FOXL3: variants seen among roughly 807,000 people sequenced by gnomAD.
FOXL3 encodes the protein forkhead box protein L3.
In FOXL3, 16 loss-of-function variants were observed where a neutral mutation model predicts 10.9. That is an observed-to-expected ratio of 1.46 (90% CI 0.99 to 2.22). The LOEUF is 2.22. Ranked by LOEUF, FOXL3 falls within the 30% of genes most tolerant of loss-of-function variation. The pLI is 0.00. For synonymous variants in FOXL3, 170 were observed against 152.0 expected, an observed-to-expected ratio of 1.12 and a Z score of -0.87; for missense variants, 400 against 337.9, an observed-to-expected ratio of 1.18 and a Z score of -1.44.
rs903971711 is a variant in FOXL3, at chr7:291,216, G to T, written c.430G>T (p.Ala144Ser). 3.4e-6 allele frequency: 4 copies of T among 1,164,890 alleles called. No individual in the cohort carries two copies. Among genetic ancestry groups the T allele is most frequent in the African/African-American group, 1.6e-5 (1 of 61,418 alleles). 72.2% of individuals were successfully genotyped at this position (1,164,890 alleles called of 1,614,324 possible). Reference sequence around the variant, plus strand: ...GCGCGAGGGGCCGAGGGGTCCGCGCGCGGGGGGCGCCCAGGGGCCGTCGGG... The same window carrying T: ...GCGCGAGGGGCCGAGGGGTCCGCGCTCGGGGGGCGCCCAGGGGCCGTCGGG... Reference protein sequence around the residue: ...PKREGPRGPRAGGAQGPSGPS... With the variant: ...PKREGPRGPRSGGAQGPSGPS... Residue 144 changes from alanine to serine, a missense_variant, in exon 3 of 3, where the codon GCG becomes TCG. Transcript: ENST00000506382.
At chr7:290,385 C>T in intron 1 of FOXL3, 109 bp downstream of exon 1, 1 of 952,492 alleles carries the variant, frequency 1.0e-6, no homozygotes, top group Non-Finnish European at 1.6e-6. Context: ...GAGCTTTCTT[C>T]TCTCCGGCGG....
rs1357201723 is a variant in FOXL3, at chr7:290,840, G to A, written c.276+19G>A. 3.6e-6 allele frequency: 5 copies of A among 1,406,322 alleles called. No homozygotes were observed. The highest frequency in any genetic ancestry group is 2.9e-5 in the East Asian group (1 of 34,562). 87.1% of individuals were successfully genotyped at this position (1,406,322 alleles called of 1,614,324 possible). A position where few individuals can be genotyped will look rare whatever the true frequency, so the allele number is the denominator to read the frequency against. On this transcript the variant is annotated intron_variant, in intron 2 of 2. Coordinates refer to ENST00000506382, the MANE Select transcript of FOXL3 (RefSeq NM_001374838.1). ...CGTCAAGGTGAGCGCCGCCCCCGAC[G>A]GGCCCCGGGTGTCCCAGCGTGGCGA... is the stretch of plus-strand genomic sequence containing the variant.
Position 291,260 on chromosome 7 carries a change from C to T in FOXL3, c.474C>T (p.Ala158=), listed in dbSNP as rs1407103870. 1.7e-6 allele frequency: 2 copies of T among 1,186,764 alleles called. No individual in the cohort carries two copies. The highest frequency in any genetic ancestry group is 3.6e-5 in the East Asian group (1 of 27,620). 73.5% of individuals were successfully genotyped at this position (1,186,764 alleles called of 1,614,324 possible). A position where few individuals can be genotyped will look rare whatever the true frequency, so the allele number is the denominator to read the frequency against. Reference sequence around the variant, plus strand: ...CGTCGGGTCCGTCCGAGCCGCCCGCCGCTCAGGGGCGCCTGGCCCCGGACA... The same window carrying T: ...CGTCGGGTCCGTCCGAGCCGCCCGCTGCTCAGGGGCGCCTGGCCCCGGACA... The part of the protein sequence containing the change: ...QGPSGPSEPP[A]AQGRLAPDSA... The change falls in exon 3 of 3, where the codon GCC becomes GCT. Residue 158 remains alanine (A), a synonymous_variant. Transcript: ENST00000506382.
Position 290,716 on chromosome 7 carries a change from C to T in FOXL3, c.171C>T (p.Gly57=). ...CCGCGGGGAGGGTGACCCTGTCCGG[C>T]ATCTACGACTTCATCATGCGCAAAT... ...QSPAGRVTLS[G]IYDFIMRKFP... Residue 57 remains glycine (G), a synonymous_variant, in exon 2 of 3, where the codon GGC becomes GGT. Coordinates refer to ENST00000506382, the MANE Select transcript of FOXL3 (RefSeq NM_001374838.1). 1.4e-6 allele frequency: 2 copies of T among 1,479,904 alleles called. No individual in the cohort carries two copies. Among genetic ancestry groups the T allele is most frequent in the East Asian group, 2.6e-5 (1 of 38,272 alleles). The allele number at this position is 1,479,904 out of a possible 1,614,324, so 91.7% of individuals were successfully genotyped here.
At position 290,772 on chromosome 7, in the gene FOXL3, G is replaced by A; in HGVS notation, c.227G>A (p.Trp76Ter). ...TATTACCGCGCCAACCAGCGCGCCTGGCAGAACTCCATCCGCCACAACCTG... is the reference window on the plus strand; with the variant it reads ...TATTACCGCGCCAACCAGCGCGCCTAGCAGAACTCCATCCGCCACAACCTG... Reference protein sequence around the residue: ...FPYYRANQRAWQNSIRHNLSL... With the variant: ...FPYYRANQRA Residue 76 changes from tryptophan (W) to a stop codon, truncating the protein, a stop_gained, in exon 2 of 3, where the codon TGG (tryptophan) becomes TAG (stop). Transcript: ENST00000506382. LOFTEE classifies it low-confidence loss of function (END_TRUNC). The A allele has an allele frequency of 2.0e-6, 3 of 1,494,408 alleles. No individual in the cohort carries two copies. The highest frequency in any genetic ancestry group is 1.8e-6 in the Non-Finnish European group (2 of 1,126,066). The allele number at this position is 1,494,408 out of a possible 1,614,324, so 92.6% of individuals were successfully genotyped here.
At position 291,337 on chromosome 7, in the gene FOXL3, CG is replaced by C. The variant is rs1562415302; in HGVS notation, c.555del (p.Lys186ArgfsTer?). 1.6e-6 allele frequency: 2 copies of C among 1,281,760 alleles called. No homozygotes were observed. The highest frequency in any genetic ancestry group is 2.0e-6 in the Non-Finnish European group (2 of 1,014,240). The allele number at this position is 1,281,760 out of a possible 1,614,324, so 79.4% of individuals were successfully genotyped here. On this transcript the variant is annotated frameshift_variant, in exon 3 of 3. Transcript: ENST00000506382. LOFTEE classifies it low-confidence loss of function (END_TRUNC). ...GAGCCCCCCGCCAGCCCCGCTCCCC[CG>C]GGGAAGGAGCACCCCCGGGACCTCA... ...GREPPASPAP[P>X]GKEHPRDLKF...
In FOXL3 at chr7:291,086, G is replaced by C. The variant is rs1778636594; in HGVS notation, c.300G>C (p.Glu100Asp). 4.2e-6 allele frequency: 6 copies of C among 1,419,562 alleles called. No individual in the cohort carries two copies. In the Middle Eastern group the frequency reaches 5.4e-4, roughly 128 times the overall value. 87.9% of individuals were successfully genotyped at this position (1,419,562 alleles called of 1,614,324 possible). ...AGGTGCCGCGGTCCGAGGGCCACGA[G>C]AAGGGCAAAGGCAACTACTGGACGT... ...FVKVPRSEGH[E>D]KGKGNYWTFA... The change falls in exon 3 of 3, where the codon GAG (glutamate) becomes GAC (aspartate). Residue 100 changes from glutamate (E) to aspartate (D), a missense_variant. By Grantham distance (45) the Glu-to-Asp change is conservative. Transcript: ENST00000506382.
chr7:290,758 C>G lies in FOXL3; in HGVS notation c.213C>G (p.Ala71=). 1 of 1,495,832 alleles carries G rather than the reference C, an allele frequency of 6.7e-7. No homozygotes were observed. Among genetic ancestry groups the G allele is most frequent in the Non-Finnish European group, 8.9e-7 (1 of 1,127,268 alleles). 92.7% of individuals were successfully genotyped at this position (1,495,832 alleles called of 1,614,324 possible). ...FIMRKFPYYR[A]NQRAWQNSIR... ...TGCGCAAATTCCCCTATTACCGCGC[C>G]AACCAGCGCGCCTGGCAGAACTCCA... Residue 71 remains alanine, a synonymous_variant, in exon 2 of 3, where the codon GCC becomes GCG. Coordinates refer to ENST00000506382, the MANE Select transcript of FOXL3 (RefSeq NM_001374838.1).
Position 290,291 on chromosome 7 carries a change from G to A in FOXL3, c.107+15G>A, listed in dbSNP as rs148152028. 180 of 1,529,132 alleles carry A rather than the reference G, an allele frequency of 1.2e-4. 1 individual carries two copies. In the Middle Eastern group the frequency reaches 3.5e-3, roughly 30 times the overall value. 94.7% of individuals were successfully genotyped at this position (1,529,132 alleles called of 1,614,324 possible). A position where few individuals can be genotyped will look rare whatever the true frequency, so the allele number is the denominator to read the frequency against. On this transcript the variant is annotated intron_variant, in intron 1 of 2. Transcript: ENST00000506382. ...CCCGCGTACAGGTGACTGCGGGGGC[G>A]GTGCTGGGGCTTTGGGGGACAGTGA... is the stretch of plus-strand genomic sequence containing the variant.
Position 291,461 on chromosome 7 carries a change from C to T in FOXL3, c.675C>T (p.Asn225=), listed in dbSNP as rs141537626. The stretch of plus-strand genomic sequence containing the variant: ...AGGGCAGATACCCGCGGCTGGAGAA[C>T]GTGGGACTCCACTTTTGGACAATGT... ...AQEGRYPRLE[N]VGLHFWTM Residue 225 remains asparagine (N), a synonymous_variant, in exon 3 of 3, where the codon AAC becomes AAT. Transcript: ENST00000506382. 4 of 1,236,864 alleles carry T rather than the reference C, an allele frequency of 3.2e-6. No individual in the cohort carries two copies. Among genetic ancestry groups the T allele is most frequent in the South Asian group, 3.8e-5 (1 of 26,156 alleles). 76.6% of individuals were successfully genotyped at this position (1,236,864 alleles called of 1,614,324 possible).
At chr7:290,945 C>T in intron 2 of FOXL3, 118 bp from the exon 3 acceptor site, 1 of 1,269,926 alleles carries the variant, frequency 7.9e-7, no homozygotes, top group Non-Finnish European at 1.0e-6. Context: ...GCCCACGGGG[C>T]CGCCTCCACC....
At chr7:290,896 G>C in intron 2 of FOXL3, 75 bp downstream of exon 2, 1 of 1,323,506 alleles carries the variant, frequency 7.6e-7, no homozygotes, top group Non-Finnish European at 9.6e-7. Context: ...TGGCGGGGAA[G>C]GGAGGGCACC....
intron 2 of FOXL3, 52 bp downstream of exon 2, chr7:290,873 G>T (rs1420941721): frequency 1.5e-6 from 2 of 1,340,236 alleles, no homozygotes; most frequent in African/African-American, 1.5e-5. Context: ...CGACACCTGC[G>T]CCAGGGCCTC....
Position 291,045 on chromosome 7 carries a change from C to T in FOXL3, c.277-18C>T, listed in dbSNP as rs1358884240. 3 of 1,375,062 alleles carry T rather than the reference C, an allele frequency of 2.2e-6. No individual in the cohort carries two copies. The highest frequency in any genetic ancestry group is 2.8e-6 in the Non-Finnish European group (3 of 1,067,542). The allele number at this position is 1,375,062 out of a possible 1,614,324, so 85.2% of individuals were successfully genotyped here. On this transcript the variant is annotated intron_variant, in intron 2 of 2. Coordinates refer to ENST00000506382, the MANE Select transcript of FOXL3 (RefSeq NM_001374838.1). ...CGTGCAGCGGAGCCGCTCCCAGCCC[C>T]TCCCTCCGCGCGCGCAGGTGCCGCG... is the stretch of plus-strand genomic sequence containing the variant.
Position 290,818 on chromosome 7 carries a change from C to A in FOXL3, c.273C>A (p.Val91=). 2.1e-6 allele frequency: 3 copies of A among 1,460,122 alleles called. No homozygotes were observed. The highest frequency in any genetic ancestry group is 9.0e-7 in the Non-Finnish European group (1 of 1,109,734). 90.4% of individuals were successfully genotyped at this position (1,460,122 alleles called of 1,614,324 possible). Residue 91 remains valine (V), a synonymous_variant, in exon 2 of 3, where the codon GTC becomes GTA. Coordinates refer to ENST00000506382, the MANE Select transcript of FOXL3 (RefSeq NM_001374838.1). ...RHNLSLNSCF[V]KVPRSEGHEK... ...ACCTGTCCCTCAACAGCTGCTTCGT[C>A]AAGGTGAGCGCCGCCCCCGACGGGC...
chr7:290,292 G>A lies in FOXL3; in HGVS notation c.107+16G>A, dbSNP rs1778611386. 2 of 1,529,040 alleles carry A rather than the reference G, an allele frequency of 1.3e-6. No homozygotes were observed. The highest frequency in any genetic ancestry group is 1.8e-6 in the Non-Finnish European group (2 of 1,140,630). The allele number at this position is 1,529,040 out of a possible 1,614,324, so 94.7% of individuals were successfully genotyped here. On this transcript the variant is annotated intron_variant, in intron 1 of 2. Coordinates refer to ENST00000506382, the MANE Select transcript of FOXL3 (RefSeq NM_001374838.1). ...CCGCGTACAGGTGACTGCGGGGGCG[G>A]TGCTGGGGCTTTGGGGGACAGTGAC...
chr7:291,034 G>A (rs548314857), intron 2 of FOXL3, 29 bp from the exon 3 acceptor site: 643 of 1,358,162 alleles, frequency 4.7e-4, no homozygotes, highest in Non-Finnish European at 5.9e-4. Context: ...CAGCGGAGCC[G>A]CTCCCAGCCC....
intron 2 of FOXL3, 37 bp downstream of exon 2, chr7:290,858 C>A (rs1304564400): frequency 1.5e-6 from 2 of 1,348,758 alleles, no homozygotes; most frequent in African/African-American, 1.5e-5. Context: ...GGTGTCCCAG[C>A]GTGGCGACAC....
In FOXL3 at chr7:290,766, G is replaced by T; in HGVS notation, c.221G>T (p.Arg74Leu). 6 of 1,490,748 alleles carry T rather than the reference G, an allele frequency of 4.0e-6. No individual in the cohort carries two copies. The highest frequency in any genetic ancestry group is 5.3e-6 in the Non-Finnish European group (6 of 1,124,220). The allele number at this position is 1,490,748 out of a possible 1,614,324, so 92.3% of individuals were successfully genotyped here. A position where few individuals can be genotyped will look rare whatever the true frequency, so the allele number is the denominator to read the frequency against. Residue 74 changes from arginine (R) to leucine (L), a missense_variant, in exon 2 of 3, where the codon CGC (arginine) becomes CTC (leucine). Physicochemically the swap from Arg to Leu is moderately radical, Grantham distance 102. Coordinates refer to ENST00000506382, the MANE Select transcript of FOXL3 (RefSeq NM_001374838.1). ...RKFPYYRANQ[R>L]AWQNSIRHNL... is the part of the protein sequence containing the mutation. ...TTCCCCTATTACCGCGCCAACCAGC[G>T]CGCCTGGCAGAACTCCATCCGCCAC...
Sources: allele counts gnomAD v4.1 joint callset, GRCh38; gene constraint gnomAD v4.1.1; transcripts MANE v1.5; gene names NCBI Gene and HGNC (gene_info 2026-07-23, HGNC 2026-07-21).